The following EIF4H variants were observed in gnomAD, a reference collection of about 807,000 sequenced individuals.
EIF4H encodes eukaryotic translation initiation factor 4H.
A neutral mutation model predicts 30.6 loss-of-function variants in EIF4H; 8 were observed. That is an observed-to-expected ratio of 0.26 (90% confidence interval 0.15 to 0.47). The LOEUF (loss-of-function observed/expected upper bound fraction) is 0.47, where lower values mean the gene tolerates loss of function less well. Ranked by LOEUF, EIF4H falls within the 20% of genes least tolerant of loss-of-function variation. The probability of loss-of-function intolerance (pLI) is 0.99; values close to 1 mark genes in which losing one functional copy is unlikely to be tolerated. For synonymous variants in EIF4H, 106 were observed against 122.7 expected (o/e 0.86, Z 0.90); for missense variants, 188 against 339.5 (o/e 0.55, Z 3.51).
At chr7:74,194,967 GCA>G in intron 6 of EIF4H, 89 bp downstream of exon 6, 2 of 1,518,272 alleles carry the variant, frequency 1.3e-6, no homozygotes, top group Middle Eastern at 1.8e-4. Flanking sequence ...GCGTTCTACG[GCA>G]CACAGAGTTG....
rs1181206279 is a variant in EIF4H at position 74,195,217 on chromosome 7, C to T, written c.656C>T (p.Ala219Val). 2 of 1,613,962 alleles carry T rather than the reference C, an allele frequency of 1.2e-6. No individual in the cohort carries two copies. Among genetic ancestry groups the T allele is most frequent in the Non-Finnish European group, 1.7e-6 (2 of 1,179,856 alleles). ...PRLQLKPRTV[A>V]TPLNQVANPN... The stretch of plus-strand genomic sequence containing the variant: ...CTCCAGCTTAAACCTCGAACAGTCG[C>T]GACGCCCCTCAATCAAGTAGCCAAT... The change falls in exon 7 of 7, where the codon GCG becomes GTG. Residue 219 changes from alanine to valine, a missense_variant. Coordinates refer to ENST00000265753, the MANE Select transcript of EIF4H (RefSeq NM_022170.2).
intron 1 of EIF4H, among the ~76,000 whole-genome samples, chr7:74,186,812 T>TGAGACGGAG (rs1801092503): frequency 1.5e-5 from 1 of 65,082 alleles, no homozygotes; most frequent in East Asian, 4.9e-4. Context: ...TTTTTTTTTT[T>TGAGACGGAG]TTTTTTTTTT....
Position 74,176,433 on chromosome 7 carries a change from A to G in EIF4H, c.59+1991A>G, listed in dbSNP as rs560022991. ...TATTTTAATTATGTCCACATGAACAAATGTCACTGCTTTACAATGCTTAAG... is the reference window on the plus strand; with the variant it reads ...TATTTTAATTATGTCCACATGAACAGATGTCACTGCTTTACAATGCTTAAG... On this transcript the variant is annotated intron_variant, in intron 1 of 6. Transcript: ENST00000265753. Among the ~76,000 whole-genome samples, 17 of 152,214 alleles carry G rather than the reference A, an allele frequency of 1.1e-4. No individual in the cohort carries two copies. In the South Asian group the frequency reaches 3.5e-3, roughly 32 times the overall value.
At chr7:74,179,150 G>A (rs1417877940) in intron 1 of EIF4H, among the ~76,000 whole-genome samples, 1 of 152,176 alleles carries the variant, frequency 6.6e-6, no homozygotes, top group Non-Finnish European at 1.5e-5. Context: ...TGTTGCTTTG[G>A]TTGACTTTTA....
intron 1 of EIF4H, among the ~76,000 whole-genome samples, chr7:74,181,743 C>CTT (rs36044860): frequency 2.7e-4 from 40 of 149,248 alleles, no homozygotes; most frequent in African/African-American, 7.5e-4. Flanking sequence ...CGAGCCCGGC[C>CTT]TTTTTTTTTG....
intron 5 of EIF4H, among the ~76,000 whole-genome samples, chr7:74,194,271 T>G (rs971647085): frequency 6.6e-6 from 1 of 152,216 alleles, no homozygotes; most frequent in Non-Finnish European, 1.5e-5. Flanking sequence ...ATTGGGACTT[T>G]GTGTTTTTAT....
chr7:74,191,199 A>G (rs782302777), intron 5 of EIF4H: 2 of 534,278 alleles, frequency 3.7e-6, no homozygotes, highest in Non-Finnish European at 7.7e-6. Flanking sequence ...AAAGTCCTGT[A>G]GCCAGTCAGA....
At chr7:74,187,267 T>C (rs1801106391) in intron 1 of EIF4H, among the ~76,000 whole-genome samples, 1 of 152,070 alleles carries the variant, frequency 6.6e-6, no homozygotes, top group Non-Finnish European at 1.5e-5. Context: ...CTGTTTCTAC[T>C]AAAAATGCAC....
chr7:74,183,436 G>A (rs1157589514), intron 1 of EIF4H, among the ~76,000 whole-genome samples: 1 of 152,166 alleles, frequency 6.6e-6, no homozygotes, highest in Non-Finnish European at 1.5e-5. Flanking sequence ...CTTAGGAAAT[G>A]TTTTTATGGT....
At chr7:74,187,355 C>T (rs548842233) in intron 1 of EIF4H, among the ~76,000 whole-genome samples, 7 of 152,230 alleles carry the variant, frequency 4.6e-5, no homozygotes, top group South Asian at 4.1e-4. Context: ...CTCTTGAACC[C>T]GGGAAGCAGA....
At position 74,188,482 on chromosome 7, in the gene EIF4H, G is replaced by A. The variant is rs541422590; in HGVS notation, c.247+684G>A. On this transcript the variant is annotated intron_variant, in intron 2 of 6. Transcript: ENST00000265753. ...AAAGCACATCTGTGACAAGTATGGG[G>A]TAACTTGGGGCGGGGAGCTGTGCCA... Among the ~76,000 whole-genome samples, 4 of 152,324 alleles carry A rather than the reference G, an allele frequency of 2.6e-5. No homozygotes were observed. The East Asian group carries it at 5.8e-4, about 22-fold the overall frequency.
Position 74,191,449 on chromosome 7 carries a change from G to A in EIF4H, c.469+1143G>A, listed in dbSNP as rs183567423. Among the ~76,000 whole-genome samples, 419 of 152,244 alleles carry A rather than the reference G, an allele frequency of 2.8e-3. 5 individuals carry two copies. Among genetic ancestry groups the A allele is most frequent in the African/African-American group, 9.7e-3 (402 of 41,540 alleles). ...GCTCAAGCAGAGACACAGTGAACAC[G>A]GCCATGGCCTGGCCGCCACCAGTTC... On this transcript the variant is annotated intron_variant, in intron 5 of 6. Transcript: ENST00000265753.
At chr7:74,183,292 C>T (rs1554708745) in intron 1 of EIF4H, among the ~76,000 whole-genome samples, 1 of 152,122 alleles carries the variant, frequency 6.6e-6, no homozygotes, top group African/African-American at 2.4e-5. Context: ...CAGCACAGAC[C>T]TTGACTTCAG....
Position 74,194,838 on chromosome 7 carries a change from C to T in EIF4H, c.567C>T (p.Pro189=), listed in dbSNP as rs1554710475. The T allele has an allele frequency of 6.2e-7, 1 of 1,603,074 alleles. No homozygotes were observed. The highest frequency in any genetic ancestry group is 1.7e-5 in the Admixed American group (1 of 59,746). Residue 189 remains proline, a synonymous_variant, in exon 6 of 7, where the codon CCC becomes CCT. Transcript: ENST00000265753. The part of the protein sequence containing the change: ...PMGSRFRDGP[P]LRGSNMDFRE... Reference sequence around the variant, plus strand: ...GCAGCCGCTTCAGAGATGGCCCTCCCCTCCGTGGATCCAACATGGATTTCA... The same window carrying T: ...GCAGCCGCTTCAGAGATGGCCCTCCTCTCCGTGGATCCAACATGGATTTCA...
At chr7:74,194,623 G>A in intron 5 of EIF4H, 118 bp from the exon 6 acceptor site, 1 of 1,386,874 alleles carries the variant, frequency 7.2e-7, no homozygotes. Flanking sequence ...AGAGACTTCA[G>A]ATAGTGGACA....
intron 1 of EIF4H, among the ~76,000 whole-genome samples, chr7:74,187,224 G>A (rs1002431740): frequency 6.6e-6 from 1 of 152,134 alleles, no homozygotes; most frequent in Non-Finnish European, 1.5e-5. Flanking sequence ...GAGGTCAGAA[G>A]TTGGAGACCA....
At chr7:74,191,904 C>G (rs1224385379) in intron 5 of EIF4H, among the ~76,000 whole-genome samples, 1 of 152,078 alleles carries the variant, frequency 6.6e-6, no homozygotes, top group Non-Finnish European at 1.5e-5. Context: ...CTCAGCCTCC[C>G]AAGTAGCTGG....
At chr7:74,179,119 T>A (rs782285573) in intron 1 of EIF4H, among the ~76,000 whole-genome samples, 1 of 152,248 alleles carries the variant, frequency 6.6e-6, no homozygotes, top group Non-Finnish European at 1.5e-5. Context: ...CATACCTGCA[T>A]CTGTCTCCAC....
intron 1 of EIF4H, among the ~76,000 whole-genome samples, chr7:74,186,860 G>T (rs574253043): frequency 8.2e-6 from 1 of 122,688 alleles, no homozygotes; most frequent in South Asian, 2.6e-4. Flanking sequence ...TCTCTGTCGC[G>T]TGAGCTGAAG....
Sources: allele counts gnomAD v4.1 joint callset (sites outside exome capture counted in the v4.1 genomes callset), GRCh38; gene constraint gnomAD v4.1.1; transcripts MANE v1.5; gene names NCBI Gene and HGNC (gene_info 2026-07-23, HGNC 2026-07-21).